The following DENND2A variants were observed in gnomAD, a reference collection of about 807,000 sequenced individuals.
The protein encoded by DENND2A is DENN domain containing 2A.
A neutral mutation model predicts 105.3 loss-of-function variants in DENND2A; 53 were observed. That is an observed-to-expected ratio of 0.50 (90% CI 0.40 to 0.63). The LOEUF (loss-of-function observed/expected upper bound fraction) is 0.63, where lower values mean the gene tolerates loss of function less well. DENND2A is among the 30% of genes least tolerant of loss of function. The pLI, the probability that DENND2A is intolerant of heterozygous loss-of-function variation, is 0.00. For synonymous variants in DENND2A, 522 were observed against 508.4 expected (o/e 1.03, Z -0.36); for missense variants, 1,138 against 1,279.6 (o/e 0.89, Z 1.69).
intron 1 of DENND2A, among the ~76,000 whole-genome samples, chr7:140,610,709 G>A (rs952326353): frequency 2.6e-5 from 4 of 152,168 alleles, no homozygotes; most frequent in Non-Finnish European, 5.9e-5. Flanking sequence ...CCACAAGTAG[G>A]AAGAGGAAAT....
chr7:140,530,505 C>T (rs1348364090), intron 14 of DENND2A, among the ~76,000 whole-genome samples: 1 of 151,924 alleles, frequency 6.6e-6, no homozygotes, highest in African/African-American at 2.4e-5. Context: ...GATATTCGGT[C>T]CTTATCTTTT....
intron 12 of DENND2A, among the ~76,000 whole-genome samples, chr7:140,549,856 CA>C (rs1403733849): frequency 6.6e-6 from 1 of 152,024 alleles, no homozygotes; most frequent in African/African-American, 2.4e-5. Context: ...AAATGTCCAT[CA>C]ATGGATAAAT....
At chr7:140,568,116 A>G (rs571421212) in intron 8 of DENND2A, among the ~76,000 whole-genome samples, 1 of 151,922 alleles carries the variant, frequency 6.6e-6, no homozygotes, top group Admixed American at 6.6e-5. Flanking sequence ...AATTTTTCAT[A>G]TTTTTAGTAG....
chr7:140,636,438 C>T (rs779402806), intron 1 of DENND2A, among the ~76,000 whole-genome samples: 8 of 152,084 alleles, frequency 5.3e-5, no homozygotes, highest in East Asian at 1.9e-4. Context: ...CTGTGCGGAA[C>T]GCCAGGAACA....
chr7:140,562,962 C>G (rs1009963642), intron 9 of DENND2A, among the ~76,000 whole-genome samples: 22 of 152,156 alleles, frequency 1.4e-4, no homozygotes, highest in African/African-American at 5.3e-4. Context: ...TCAGACTGTC[C>G]CCTAAACAGT....
chr7:140,591,850 T>TCCTTCCTTC (rs1450749602), intron 3 of DENND2A, among the ~76,000 whole-genome samples: 40 of 132,388 alleles, frequency 3.0e-4, no homozygotes, highest in African/African-American at 1.1e-3. Flanking sequence ...CTTCCTTCTT[T>TCCTTCCTTC]CCTTCCTTCC....
chr7:140,534,320 T>G (rs1213157856), intron 14 of DENND2A, among the ~76,000 whole-genome samples: 1 of 152,008 alleles, frequency 6.6e-6, no homozygotes, highest in African/African-American at 2.4e-5. Context: ...CTTGACCTCA[T>G]GATCTGCCCA....
intron 14 of DENND2A, among the ~76,000 whole-genome samples, chr7:140,531,822 A>AAACAACAACAAC (rs60323045): frequency 2.7e-5 from 4 of 146,888 alleles, no homozygotes; most frequent in Middle Eastern, 3.5e-3. Flanking sequence ...TCTCAAAGGA[A>AAACAACAACAAC]AACAACAACA....
intron 12 of DENND2A, among the ~76,000 whole-genome samples, chr7:140,554,096 T>C (rs1373522094): frequency 2.0e-5 from 3 of 151,746 alleles, no homozygotes; most frequent in Non-Finnish European, 4.4e-5. Flanking sequence ...TGTGGTGGCA[T>C]GTGCCTGTAG....
chr7:140,612,835 C>T (rs1377617670), intron 1 of DENND2A, among the ~76,000 whole-genome samples: 1 of 151,312 alleles, frequency 6.6e-6, no homozygotes, highest in Admixed American at 6.6e-5. Context: ...AGGTTGAGGG[C>T]CGGGCGCAGT....
At chr7:140,604,353 T>C (rs1012068585) in intron 2 of DENND2A, among the ~76,000 whole-genome samples, 1 of 152,282 alleles carries the variant, frequency 6.6e-6, no homozygotes, top group Non-Finnish European at 1.5e-5. Context: ...CAAACACATT[T>C]TTTTGGCAAA....
intron 16 of DENND2A, among the ~76,000 whole-genome samples, chr7:140,525,085 A>G (rs905155151): frequency 1.3e-5 from 2 of 149,348 alleles, no homozygotes; most frequent in African/African-American, 5.0e-5. Context: ...TACTGAGGAG[A>G]CTGAGGTGGG....
rs748370133 is a variant in DENND2A at position 140,525,736 on chromosome 7, G to A, written c.2547+15C>T. Reference sequence around the variant, plus strand: ...AAGACAAAGGGAGCAGGAGGCCGTCGCTGGCCTCACTCACCTGTCTGAGGA... The same window carrying A: ...AAGACAAAGGGAGCAGGAGGCCGTCACTGGCCTCACTCACCTGTCTGAGGA... On this transcript the variant is annotated intron_variant, in intron 16 of 19. Transcript: ENST00000496613. 1.0e-5 allele frequency: 16 copies of A among 1,603,056 alleles called. No individual in the cohort carries two copies. Among genetic ancestry groups the A allele is most frequent in the South Asian group, 7.9e-5 (7 of 88,882 alleles).
In DENND2A at chr7:140,588,788, C is replaced by T. The variant is rs115074993; in HGVS notation, c.996-1008G>A. ...GCACTTTTTTTTTTTTTTTTTGAGA[C>T]CTGGAGTGCAGTGGCATGATCTTGG... On this transcript the variant is annotated intron_variant, in intron 3 of 19. Coordinates refer to ENST00000496613, the MANE Select transcript of DENND2A (RefSeq NM_015689.5). 7.3e-5 allele frequency among the ~76,000 whole-genome samples: 10 copies of T among 137,472 alleles called. No individual in the cohort carries two copies. The South Asian group carries it at 2.1e-3, about 28-fold the overall frequency. The allele number at this position is 137,472 out of a possible 152,430, so 90.2% of individuals were successfully genotyped here. A position where few individuals can be genotyped will look rare whatever the true frequency, so the allele number is the denominator to read the frequency against.
rs551500633 is a variant in DENND2A, at chr7:140,537,837, G to A, written c.2327+6781C>T. 9.8e-5 allele frequency among the ~76,000 whole-genome samples: 15 copies of A among 152,286 alleles called. 3 individuals carry two copies. The highest frequency in any genetic ancestry group is 6.8e-3 in the Middle Eastern group (2 of 294). ...AAACTTTTTGCACATATTTGTTTAC[G>A]TGCAGCTCTGACTTTATCATTCAGC... is the stretch of plus-strand genomic sequence containing the variant. On this transcript the variant is annotated intron_variant, in intron 14 of 19. Coordinates refer to ENST00000496613, the MANE Select transcript of DENND2A (RefSeq NM_015689.5).
chr7:140,636,436 A>T (rs954398855), intron 1 of DENND2A, among the ~76,000 whole-genome samples: 2 of 152,110 alleles, frequency 1.3e-5, no homozygotes, highest in Non-Finnish European at 2.9e-5. Context: ...GACTGTGCGG[A>T]ACGCCAGGAA....
chr7:140,558,043 G>C, intron 11 of DENND2A, 100 bp downstream of exon 11: 1 of 898,992 alleles, frequency 1.1e-6, no homozygotes, highest in Non-Finnish European at 1.8e-6. Flanking sequence ...GCCTCATCAG[G>C]GAATCTCAGT....
At chr7:140,631,795 G>C (rs1033443798) in intron 1 of DENND2A, among the ~76,000 whole-genome samples, 2 of 152,144 alleles carry the variant, frequency 1.3e-5, no homozygotes, top group Non-Finnish European at 2.9e-5. Flanking sequence ...ATTAAGTAGA[G>C]AATCCCTCTG....
intron 1 of DENND2A, among the ~76,000 whole-genome samples, chr7:140,608,506 G>A (rs1322925647): frequency 6.6e-6 from 1 of 151,694 alleles, no homozygotes; most frequent in Non-Finnish European, 1.5e-5. Flanking sequence ...GCAAAACATC[G>A]TCTCTACAAA....
Sources: allele counts gnomAD v4.1 joint callset (sites outside exome capture counted in the v4.1 genomes callset), GRCh38; gene constraint gnomAD v4.1.1; transcripts MANE v1.5; gene names NCBI Gene and HGNC (gene_info 2026-07-23, HGNC 2026-07-21).